The following DTNB variants were observed in gnomAD, a reference collection of about 807,000 sequenced individuals.
The protein encoded by DTNB is DTN-B.
Under a neutral mutation model 90.7 loss-of-function variants are expected in DTNB, and 63 were observed. The ratio of observed to expected loss-of-function variants is 0.69; its 90% CI spans 0.57 to 0.86. DTNB has a LOEUF of 0.86. Ranked by LOEUF, DTNB falls within the 40% of genes least tolerant of loss-of-function variation. The pLI, the probability that DTNB is intolerant of heterozygous loss-of-function variation, is 0.00. For synonymous variants in DTNB, 277 were observed against 286.7 expected, an observed-to-expected ratio of 0.97 and a Z score of 0.34; for missense variants, 744 against 807.1, an observed-to-expected ratio of 0.92 and a Z score of 0.95.
chr2:25,402,990 T>C (rs7583617), intron 16 of DTNB, among the ~76,000 whole-genome samples: 55,928 of 152,064 alleles, frequency 0.37, 11,387 homozygotes, highest in East Asian at 0.6. Flanking sequence ...TCAAGATAAA[T>C]CTGTAGATAA....
At chr2:25,554,308 C>T (rs2056902938) in intron 8 of DTNB, among the ~76,000 whole-genome samples, 1 of 151,988 alleles carries the variant, frequency 6.6e-6, no homozygotes, top group Non-Finnish European at 1.5e-5. Flanking sequence ...TTCTATTAAA[C>T]ATTAGTTTAA....
chr2:25,576,759 A>G, intron 8 of DTNB, 79 bp downstream of exon 8: 1 of 1,437,666 alleles, frequency 7.0e-7, no homozygotes, highest in Non-Finnish European at 9.2e-7. Flanking sequence ...GTAGGCATCC[A>G]TGAGGAAACT....
chr2:25,620,061 A>G (rs947570706), intron 4 of DTNB, among the ~76,000 whole-genome samples: 1 of 152,088 alleles, frequency 6.6e-6, no homozygotes, highest in Non-Finnish European at 1.5e-5. Flanking sequence ...TAAAAAAAAA[A>G]TCTGGGTTGA....
At chr2:25,400,874 G>C (rs1323629929) in intron 16 of DTNB, among the ~76,000 whole-genome samples, 4 of 152,158 alleles carry the variant, frequency 2.6e-5, no homozygotes, top group Non-Finnish European at 2.9e-5. Flanking sequence ...CAAATGTAGA[G>C]CCAGTGAAAC....
At chr2:25,548,621 AG>A (rs2082944344) in intron 8 of DTNB, among the ~76,000 whole-genome samples, 3 of 152,120 alleles carry the variant, frequency 2.0e-5, no homozygotes, top group African/African-American at 2.4e-5. Flanking sequence ...GAGCGCAGTC[AG>A]CCTGGAGTGG....
intron 8 of DTNB, among the ~76,000 whole-genome samples, chr2:25,550,386 G>A (rs1438792160): frequency 6.6e-6 from 1 of 152,030 alleles, no homozygotes; most frequent in African/African-American, 2.4e-5. Context: ...GCGAGACTCT[G>A]TCTCAAAAAC....
At chr2:25,483,005 G>A (rs1236888168) in intron 9 of DTNB, 132 bp from the exon 10 acceptor site, 1 of 924,926 alleles carries the variant, frequency 1.1e-6, no homozygotes, top group Non-Finnish European at 1.5e-6. Context: ...CATGGGGAGG[G>A]GGGGGACCCA....
intron 2 of DTNB, among the ~76,000 whole-genome samples, chr2:25,651,173 T>A (rs919953577): frequency 1.3e-5 from 2 of 152,196 alleles, no homozygotes; most frequent in African/African-American, 4.8e-5. Context: ...TACTTAAGTA[T>A]GTGAGTGCCA....
chr2:25,537,623 A>G (rs926873257), intron 8 of DTNB, among the ~76,000 whole-genome samples: 5 of 152,234 alleles, frequency 3.3e-5, no homozygotes, highest in Admixed American at 1.3e-4. Flanking sequence ...GATTTCCTTA[A>G]AAGATCTCAG....
At chr2:25,668,022 G>A (rs930901779) in intron 1 of DTNB, among the ~76,000 whole-genome samples, 14 of 152,312 alleles carry the variant, frequency 9.2e-5, no homozygotes, top group Non-Finnish European at 1.8e-4. Flanking sequence ...GGCGGATCAT[G>A]AGGTCAGGAG....
intron 16 of DTNB, among the ~76,000 whole-genome samples, chr2:25,402,939 G>A (rs1458502525): frequency 6.6e-6 from 1 of 152,172 alleles, no homozygotes; most frequent in Non-Finnish European, 1.5e-5. Flanking sequence ...GAAGGAAGAA[G>A]GTGTATTAAA....
rs183644370 is a variant in DTNB, at chr2:25,482,602, T to C, written c.1079+194A>G. ...TGAAAGCCAAACTTCAGTTGCTATATTTGTGAGTCGGTGGGGGAAAAAAGG... is the reference window on the plus strand; with the variant it reads ...TGAAAGCCAAACTTCAGTTGCTATACTTGTGAGTCGGTGGGGGAAAAAAGG... On this transcript the variant is annotated intron_variant, in intron 10 of 20. Coordinates refer to ENST00000406818, the MANE Select transcript of DTNB (RefSeq NM_021907.5). Among the ~76,000 whole-genome samples, 590 of 151,724 alleles carry C rather than the reference T, an allele frequency of 3.9e-3. 3 individuals carry two copies. The highest frequency in any genetic ancestry group is 0.013 in the African/African-American group (554 of 41,426).
In DTNB at chr2:25,424,168, T is replaced by TTA. The variant is rs2050731443; in HGVS notation, c.1554+3366_1554+3367insTA. On this transcript the variant is annotated intron_variant, in intron 15 of 20. Coordinates refer to ENST00000406818, the MANE Select transcript of DTNB (RefSeq NM_021907.5). This position sits in a 1 kb window ranked among gnomAD's most constrained non-coding sequence, Gnocchi z 4.1. ...ATTTTCGACTGTGAATTCTAGCCAA[T>TTA]GGATAGAAAGGCAACATTCCTAGAT... Among the ~76,000 whole-genome samples, 1 of 152,194 alleles carries TTA rather than the reference T, an allele frequency of 6.6e-6. No homozygotes were observed. Among genetic ancestry groups the TTA allele is most frequent in the South Asian group, 2.1e-4 (1 of 4,836 alleles).
At chr2:25,635,907 C>A (rs1023864479) in intron 3 of DTNB, among the ~76,000 whole-genome samples, 28 of 152,092 alleles carry the variant, frequency 1.8e-4, no homozygotes, top group Non-Finnish European at 7.4e-5. Context: ...TTAGAACAGT[C>A]TGGTATTGGT....
chr2:25,534,510 G>A (rs1009934453), intron 8 of DTNB, among the ~76,000 whole-genome samples: 23 of 152,048 alleles, frequency 1.5e-4, no homozygotes, highest in Admixed American at 8.5e-4. Flanking sequence ...CTCAGTGGTC[G>A]CTGTCTCTTC....
chr2:25,523,458 G>A (rs1165720313), intron 9 of DTNB, among the ~76,000 whole-genome samples: 2 of 152,014 alleles, frequency 1.3e-5, no homozygotes, highest in African/African-American at 2.4e-5. Context: ...AGGCCAACAC[G>A]GCGAAACCCC....
At chr2:25,412,148 G>A (rs1054298627) in intron 16 of DTNB, among the ~76,000 whole-genome samples, 2 of 152,122 alleles carry the variant, frequency 1.3e-5, no homozygotes, top group South Asian at 2.1e-4. Flanking sequence ...AGGTTTATGT[G>A]AGCCCTTGTG....
chr2:25,654,697 T>C (rs1023103400), intron 1 of DTNB, among the ~76,000 whole-genome samples: 8 of 152,206 alleles, frequency 5.3e-5, no homozygotes, highest in African/African-American at 1.9e-4. Context: ...ATGGACATAA[T>C]GGGGATACGT....
At chr2:25,650,493 G>A (rs1293561425) in intron 2 of DTNB, among the ~76,000 whole-genome samples, 4 of 152,214 alleles carry the variant, frequency 2.6e-5, no homozygotes, top group African/African-American at 9.7e-5. Flanking sequence ...ATGATCTGCA[G>A]GAAAGCCAAT....
Sources: allele counts gnomAD v4.1 joint callset (sites outside exome capture counted in the v4.1 genomes callset), GRCh38; gene constraint gnomAD v4.1.1; non-coding constraint Gnocchi (gnomAD v3.1); transcripts MANE v1.5; gene names NCBI Gene and HGNC (gene_info 2026-07-23, HGNC 2026-07-21).